The following TERB1 variants were observed in gnomAD, a reference collection of about 807,000 sequenced individuals.
The protein encoded by TERB1 is telomere repeat binding bouquet formation protein 1.
Under a neutral mutation model 92.3 loss-of-function variants are expected in TERB1, and 63 were observed. The observed-to-expected ratio is 0.68, with a 90% CI of 0.56 to 0.84. TERB1 has a LOEUF of 0.84. TERB1 is among the 40% of genes least tolerant of loss of function. TERB1 has a pLI of 0.00. For synonymous variants in TERB1, 252 were observed against 283.9 expected (o/e 0.89, Z 1.13); for missense variants, 709 against 843.7 (o/e 0.84, Z 1.98).
At position 66,758,815 on chromosome 16, in the gene TERB1, T is replaced by G. The variant is rs770809261; in HGVS notation, c.1954A>C (p.Arg652=). 3.3e-6 allele frequency: 5 copies of G among 1,534,252 alleles called. No individual in the cohort carries two copies. The highest frequency in any genetic ancestry group is 2.1e-5 in the Admixed American group (1 of 47,958). Reference sequence around the variant, plus strand: ...GTAGATTCATTACTGAGTCGTTGTCTTCTACGTGGGGTCAGCAGAATTTCT... The same window carrying G: ...GTAGATTCATTACTGAGTCGTTGTCGTCTACGTGGGGTCAGCAGAATTTCT... ...NKKILLTPRR[R]QRLSNESTTP... Residue 652 remains arginine, a synonymous_variant, in exon 18 of 19, where the codon AGA becomes CGA. Transcript: ENST00000433154.
At chr16:66,765,849 ATTTTTTTTTTTTTTTTTTTTTT>A in intron 16 of TERB1, among the ~76,000 whole-genome samples, 1 of 62,502 alleles carries the variant, frequency 1.6e-5, no homozygotes, top group African/African-American at 6.7e-5. Context: ...ACTATTGGGT[ATTTTTTTTTTTTTTTTTTTTTT>A]TTTTTTTTTT....
chr16:66,769,509 AGGG>A (rs2018407606), intron 14 of TERB1, among the ~76,000 whole-genome samples: 1 of 152,238 alleles, frequency 6.6e-6, no homozygotes, highest in Admixed American at 6.5e-5. Flanking sequence ...GACAAAGTGC[AGGG>A]AACAAACAAA....
intron 12 of TERB1, among the ~76,000 whole-genome samples, chr16:66,773,157 C>T (rs2018482133): frequency 7.3e-6 from 1 of 137,066 alleles, no homozygotes; most frequent in Non-Finnish European, 1.5e-5. Context: ...GGTGAAACTC[C>T]ACCTCTACTA....
chr16:66,781,195 C>G (rs779346572), intron 9 of TERB1, among the ~76,000 whole-genome samples: 2 of 152,082 alleles, frequency 1.3e-5, no homozygotes, highest in African/African-American at 2.4e-5. Context: ...AGGACTAAAA[C>G]AGGTGCATGC....
chr16:66,759,822 A>AAAG (rs563523431), intron 16 of TERB1, among the ~76,000 whole-genome samples: 1 of 144,584 alleles, frequency 6.9e-6, no homozygotes, highest in African/African-American at 2.6e-5. Context: ...AAAAAAAAGG[A>AAAG]AAGAAAGAAA....
intron 14 of TERB1, 118 bp downstream of exon 14, chr16:66,769,845 A>G (rs1295892476): frequency 2.6e-6 from 2 of 776,132 alleles, no homozygotes; most frequent in Non-Finnish European, 2.0e-6. Context: ...GGCTCTTCCC[A>G]AGACCATGTT....
Position 66,754,840 on chromosome 16 carries a change from A to G in TERB1, c.*136T>C. 1.3e-6 allele frequency: 1 copy of G among 777,316 alleles called. No homozygotes were observed. The highest frequency in any genetic ancestry group is 2.0e-6 in the Non-Finnish European group (1 of 491,978). The allele number at this position is 777,316 out of a possible 1,614,324, so 48.2% of individuals were successfully genotyped here. ...TTGTAATTTGATGAGTTTCAGCATC[A>G]CAAAAACTGTTTAATGAAAACTGTA... On this transcript the variant is annotated 3_prime_UTR_variant, in exon 19 of 19. Transcript: ENST00000433154.
At position 66,789,304 on chromosome 16, in the gene TERB1, G is replaced by GGACTATATCTTACTTAT. The variant is rs1555509453; in HGVS notation, c.272-1008_272-1007insATAAGTAAGATATAGTC. On this transcript the variant is annotated intron_variant, in intron 5 of 18. Coordinates refer to ENST00000433154, the MANE Select transcript of TERB1 (RefSeq NM_001136505.2). ...TAAAAATAAATTAAAAAAAAATTCG[G>GGACTATATCTTACTTAT]CCGGGCGCGGTGGCTCACGCCTGTA... Among the ~76,000 whole-genome samples, 30 of 109,436 alleles carry GGACTATATCTTACTTAT rather than the reference G, an allele frequency of 2.7e-4. 3 individuals are homozygous for GGACTATATCTTACTTAT. Among genetic ancestry groups the GGACTATATCTTACTTAT allele is most frequent in the East Asian group, 9.7e-4 (3 of 3,096 alleles). 71.8% of individuals were successfully genotyped at this position (109,436 alleles called of 152,430 possible). A position where few individuals can be genotyped will look rare whatever the true frequency, so the allele number is the denominator to read the frequency against.
chr16:66,770,077 T>G lies in TERB1; in HGVS notation c.1505A>C (p.His502Pro), dbSNP rs867668750. The G allele has an allele frequency of 7.7e-6, 12 of 1,551,986 alleles. No homozygotes were observed. Among genetic ancestry groups the G allele is most frequent in the Non-Finnish European group, 1.0e-5 (12 of 1,147,036 alleles). The change falls in exon 14 of 19, where the codon CAT (histidine) becomes CCT (proline). Residue 502 changes from histidine to proline, a missense_variant. Physicochemically the swap from His to Pro is moderately conservative, Grantham distance 77. Coordinates refer to ENST00000433154, the MANE Select transcript of TERB1 (RefSeq NM_001136505.2). Reference sequence around the variant, plus strand: ...TTGCTCACTCTCCCTGTAACAAGCATGGACTGGATTTGCGCTCTTTAACGG... The same window carrying G: ...TTGCTCACTCTCCCTGTAACAAGCAGGGACTGGATTTGCGCTCTTTAACGG... Reference protein sequence around the residue: ...KTPLKSANPVHACYRESEQNK... With the variant: ...KTPLKSANPVPACYRESEQNK...
At chr16:66,766,922 C>T (rs2018355537) in intron 16 of TERB1, among the ~76,000 whole-genome samples, 1 of 152,208 alleles carries the variant, frequency 6.6e-6, no homozygotes, top group South Asian at 2.1e-4. Context: ...GTTGAGATTA[C>T]AGCTGCCTCA....
intron 16 of TERB1, among the ~76,000 whole-genome samples, chr16:66,765,135 A>G (rs1597010496): frequency 6.6e-6 from 1 of 152,230 alleles, no homozygotes; most frequent in Admixed American, 6.5e-5. Flanking sequence ...CCAGCCAAGG[A>G]CTAAGCACTC....
intron 14 of TERB1, 30 bp downstream of exon 14, chr16:66,769,933 T>A (rs1286531237): frequency 1.4e-6 from 2 of 1,447,454 alleles, no homozygotes; most frequent in South Asian, 2.5e-5. Context: ...GCTGAATAAA[T>A]AAAAGTTACA....
intron 12 of TERB1, 148 bp from the exon 13 acceptor site, chr16:66,772,897 G>A: frequency 1.6e-6 from 1 of 619,776 alleles, no homozygotes; most frequent in Middle Eastern, 4.3e-4. Flanking sequence ...GTAAGTGGAA[G>A]ATTATCTAGC....
chr16:66,792,977 A>G (rs2018860956), intron 3 of TERB1, among the ~76,000 whole-genome samples: 1 of 151,730 alleles, frequency 6.6e-6, no homozygotes, highest in Non-Finnish European at 1.5e-5. Context: ...TATACTACTC[A>G]ATTTATTTTT....
intron 11 of TERB1, among the ~76,000 whole-genome samples, chr16:66,775,709 ATT>A (rs201460994): frequency 1.2e-4 from 15 of 129,554 alleles, no homozygotes; most frequent in South Asian, 2.6e-4. Context: ...TTTCAAAAGG[ATT>A]TTTTTTTTTT....
intron 9 of TERB1, among the ~76,000 whole-genome samples, chr16:66,783,408 G>C (rs2018671281): frequency 6.6e-6 from 1 of 152,044 alleles, no homozygotes; most frequent in Non-Finnish European, 1.5e-5. Flanking sequence ...TTGCATTCCT[G>C]GGATACACGC....
At position 66,801,522 on chromosome 16, in the gene TERB1, G is replaced by A. The variant is rs1237676682; in HGVS notation, c.-164C>T. 1 of 152,272 alleles carries A rather than the reference G, an allele frequency of 6.6e-6. No homozygotes were observed. Among genetic ancestry groups the A allele is most frequent in the Non-Finnish European group, 1.5e-5 (1 of 68,094 alleles). 9.4% of individuals were successfully genotyped at this position (152,272 alleles called of 1,614,324 possible). ...ACAACGCGCGGGAGCGGAGGCCGTG[G>A]CGTCTACCCTCAAGCGGGAGCTTCC... On this transcript the variant is annotated 5_prime_UTR_variant, in exon 1 of 19. Transcript: ENST00000433154.
chr16:66,777,410 G>T, intron 10 of TERB1, 76 bp from the exon 11 acceptor site: 1 of 903,286 alleles, frequency 1.1e-6, no homozygotes, highest in Non-Finnish European at 1.6e-6. Context: ...GTATTTTTCA[G>T]AGTTTATTCA....
intron 18 of TERB1, among the ~76,000 whole-genome samples, chr16:66,755,751 G>C (rs2018126873): frequency 6.6e-6 from 1 of 151,796 alleles, no homozygotes; most frequent in African/African-American, 2.4e-5. Flanking sequence ...CTCCAGCCTG[G>C]GCGACAGAGC....
Sources: gnomAD v4.1 joint callset for allele counts (sites outside exome capture counted in the v4.1 genomes callset) on GRCh38, gnomAD v4.1.1 for gene constraint, MANE v1.5 for transcripts, NCBI Gene and HGNC (gene_info 2026-07-23, HGNC 2026-07-21) for gene names.